Variants in DDX10 observed in about 807,000 individuals in gnomAD.
The protein encoded by DDX10 is DEAD-box helicase 10, also known as probable ATP-dependent RNA helicase DDX10.
In DDX10, 74 loss-of-function variants were observed where a neutral mutation model predicts 104.3. That is an observed-to-expected ratio of 0.71 (90% CI 0.59 to 0.86). The LOEUF is 0.86. DDX10 is among the 40% of genes least tolerant of loss of function. The pLI, the probability that DDX10 is intolerant of heterozygous loss-of-function variation, is 0.00. For synonymous variants in DDX10, 351 were observed against 353.4 expected (o/e 0.99, Z 0.08); for missense variants, 952 against 1,040.0 (o/e 0.92, Z 1.16).
chr11:108,752,834 T>C (rs905488595), intron 13 of DDX10, among the ~76,000 whole-genome samples: 4 of 152,268 alleles, frequency 2.6e-5, no homozygotes, highest in African/African-American at 9.6e-5. Flanking sequence ...GATAAAGGAA[T>C]ATAAAGTGAT....
rs570519666 is a variant in DDX10, at chr11:108,881,672, C to T, written c.2304+29463C>T. Among the ~76,000 whole-genome samples, 47 of 152,192 alleles carry T rather than the reference C, an allele frequency of 3.1e-4. No individual in the cohort carries two copies. In the South Asian group the frequency reaches 8.5e-3, roughly 27 times the overall value. ...AAATAGGCTTTATGTTAGATGATTT[C>T]GCTCAATGATAGGCTAATGAAAGCA... On this transcript the variant is annotated intron_variant, in intron 16 of 17. Transcript: ENST00000322536.
At chr11:108,698,578 C>T (rs538943781) in intron 9 of DDX10, among the ~76,000 whole-genome samples, 2 of 152,142 alleles carry the variant, frequency 1.3e-5, no homozygotes, top group African/African-American at 2.4e-5. Context: ...GCTGATATTT[C>T]TTAGGAGTCT....
At chr11:108,807,799 T>A (rs1189759719) in intron 13 of DDX10, among the ~76,000 whole-genome samples, 1 of 152,168 alleles carries the variant, frequency 6.6e-6, no homozygotes, top group Non-Finnish European at 1.5e-5. Context: ...AAATATCTTC[T>A]ACTAAAGTAG....
chr11:108,822,217 A>C (rs1278587441), intron 13 of DDX10: 1 of 198,152 alleles, frequency 5.0e-6, no homozygotes, highest in Non-Finnish European at 1.0e-5. Flanking sequence ...CCAACAAAAT[A>C]TTCTGTCATT....
At chr11:108,675,754 G>A (rs373661010) in intron 3 of DDX10, 28 bp downstream of exon 3, 116 of 1,609,888 alleles carry the variant, frequency 7.2e-5, no homozygotes, top group Non-Finnish European at 9.7e-5. Flanking sequence ...GGGTCAGACT[G>A]TCTGTTATAC....
intron 13 of DDX10, among the ~76,000 whole-genome samples, chr11:108,782,370 CTA>C (rs770198017): frequency 1.1e-4 from 17 of 152,234 alleles, no homozygotes; most frequent in Admixed American, 7.9e-4. Flanking sequence ...GTTAGAATCC[CTA>C]TGATAGGTTT....
intron 17 of DDX10, 37 bp from the exon 18 acceptor site, chr11:108,940,209 T>C (rs751037690): frequency 1.4e-5 from 23 of 1,597,944 alleles, no homozygotes; most frequent in Non-Finnish European, 1.9e-5. Context: ...GATTTCATAC[T>C]GAGTCTAAAG....
intron 13 of DDX10, among the ~76,000 whole-genome samples, chr11:108,794,823 T>C (rs1861917233): frequency 6.6e-6 from 1 of 151,902 alleles, no homozygotes; most frequent in South Asian, 2.1e-4. Context: ...GTTTTTTCTC[T>C]CTCTCTCTCT....
At chr11:108,765,269 C>T (rs759352810) in intron 13 of DDX10, among the ~76,000 whole-genome samples, 3 of 152,096 alleles carry the variant, frequency 2.0e-5, no homozygotes, top group Non-Finnish European at 4.4e-5. Flanking sequence ...AAAATGGACT[C>T]CTTCAGTTTA....
intron 16 of DDX10, among the ~76,000 whole-genome samples, chr11:108,898,286 G>A (rs535797900): frequency 1.1e-4 from 17 of 152,020 alleles, no homozygotes; most frequent in African/African-American, 3.9e-4. Context: ...GCTATGGATG[G>A]GACTTAAGAC....
At chr11:108,889,291 T>A (rs1416634618) in intron 16 of DDX10, among the ~76,000 whole-genome samples, 2 of 152,204 alleles carry the variant, frequency 1.3e-5, no homozygotes, top group Non-Finnish European at 2.9e-5. Context: ...TCCTTATGTT[T>A]GAATAATGGA....
At chr11:108,827,737 CTT>C in intron 13 of DDX10, among the ~76,000 whole-genome samples, 1 of 152,236 alleles carries the variant, frequency 6.6e-6, no homozygotes, top group African/African-American at 2.4e-5. Context: ...CCAGCCGAAA[CTT>C]CTTCTCCTTT....
intron 13 of DDX10, among the ~76,000 whole-genome samples, chr11:108,743,291 C>A: frequency 6.6e-6 from 1 of 152,014 alleles, no homozygotes; most frequent in Non-Finnish European, 1.5e-5. Flanking sequence ...CATGATTATC[C>A]CAATATATTC....
chr11:108,755,930 C>G (rs936620281), intron 13 of DDX10, among the ~76,000 whole-genome samples: 1 of 151,760 alleles, frequency 6.6e-6, no homozygotes, highest in African/African-American at 2.4e-5. Flanking sequence ...TAACTTGAGC[C>G]TTTTTCTTTC....
intron 13 of DDX10, among the ~76,000 whole-genome samples, chr11:108,837,202 A>G (rs911120796): frequency 6.6e-6 from 1 of 152,206 alleles, no homozygotes; most frequent in African/African-American, 2.4e-5. Context: ...CTCAACTTAC[A>G]ACTAAACCCA....
intron 17 of DDX10, among the ~76,000 whole-genome samples, chr11:108,933,843 C>T (rs1246580118): frequency 6.6e-6 from 1 of 152,154 alleles, no homozygotes; most frequent in Non-Finnish European, 1.5e-5. Flanking sequence ...GTATGACATA[C>T]AGTAGGCCAG....
intron 11 of DDX10, among the ~76,000 whole-genome samples, chr11:108,719,313 A>G (rs142597063): frequency 6.6e-5 from 10 of 152,272 alleles, no homozygotes; most frequent in East Asian, 1.9e-4. Flanking sequence ...TGTTGTTACT[A>G]TATTCCAGAA....
Position 108,841,332 on chromosome 11 carries a change from A to C in DDX10, c.2103A>C (p.Pro701=), listed in dbSNP as rs1862634718. 1 of 1,612,982 alleles carries C rather than the reference A, an allele frequency of 6.2e-7. No homozygotes were observed. Among genetic ancestry groups the C allele is most frequent in the African/African-American group, 1.3e-5 (1 of 74,892 alleles). ...TDEGELVQQW[P]QMQKSAIKDA... ...ACCTGTAGTTGGTTCAGCAGTGGCC[A>C]CAAATGCAGAAATCTGCCATCAAGG... Residue 701 remains proline (P), a synonymous_variant, in exon 15 of 18, where the codon CCA becomes CCC. Coordinates refer to ENST00000322536, the MANE Select transcript of DDX10 (RefSeq NM_004398.4).
intron 13 of DDX10, among the ~76,000 whole-genome samples, chr11:108,761,826 G>A (rs1222020068): frequency 1.3e-5 from 2 of 152,074 alleles, no homozygotes; most frequent in African/African-American, 2.4e-5. Context: ...TCAATTTCCT[G>A]TAGTGTACAT....
Sources: allele counts gnomAD v4.1 joint callset (sites outside exome capture counted in the v4.1 genomes callset), GRCh38; gene constraint gnomAD v4.1.1; transcripts MANE v1.5; gene names NCBI Gene and HGNC (gene_info 2026-07-23, HGNC 2026-07-21).